Variants in XKR4 observed in about 807,000 individuals in gnomAD.
XKR4 encodes the protein XK related 4.
Under a neutral mutation model 53.9 loss-of-function variants are expected in XKR4, and 12 were observed. The observed-to-expected ratio is 0.22, with a 90% CI of 0.14 to 0.36. The LOEUF (loss-of-function observed/expected upper bound fraction) is 0.36, where lower values mean the gene tolerates loss of function less well. XKR4 is among the 10% of genes least tolerant of loss of function. The probability of loss-of-function intolerance (pLI) is 1.00; values close to 1 mark genes in which losing one functional copy is unlikely to be tolerated. For synonymous variants in XKR4, 354 were observed against 362.4 expected, an observed-to-expected ratio of 0.98 and a Z score of 0.26; for missense variants, 799 against 859.5, an observed-to-expected ratio of 0.93 and a Z score of 0.88.
chr8:55,483,574 A>T (rs535861244), intron 2 of XKR4, among the ~76,000 whole-genome samples: 4 of 152,292 alleles, frequency 2.6e-5, no homozygotes, highest in Admixed American at 2.6e-4. Context: ...GAAACACTTG[A>T]AAACTAAACA....
intron 1 of XKR4, among the ~76,000 whole-genome samples, chr8:55,322,007 AAAC>A (rs1803223638): frequency 6.6e-6 from 1 of 151,852 alleles, no homozygotes; most frequent in Non-Finnish European, 1.5e-5. Flanking sequence ...ACAAACAAAC[AAAC>A]AAAAAATAAC....
At chr8:55,218,938 G>A (rs1318929900) in intron 1 of XKR4, among the ~76,000 whole-genome samples, 1 of 151,682 alleles carries the variant, frequency 6.6e-6, no homozygotes, top group Non-Finnish European at 1.5e-5. Context: ...CACCTCCAAG[G>A]TTCAGATAGA....
At chr8:55,347,783 C>A (rs1414877068) in intron 1 of XKR4, among the ~76,000 whole-genome samples, 1 of 152,122 alleles carries the variant, frequency 6.6e-6, no homozygotes, top group Non-Finnish European at 1.5e-5. Flanking sequence ...GATGGCAAGG[C>A]CTTGAAACTT....
rs1817594259 is a variant in XKR4 at position 55,202,907 on chromosome 8, C to T, written c.806+99613C>T. ...AGTCTGCAGAGCAGCCCTGCTGGCTCGTACACCCTGACCTTTAGGGAGAGC... is the reference window on the plus strand; with the variant it reads ...AGTCTGCAGAGCAGCCCTGCTGGCTTGTACACCCTGACCTTTAGGGAGAGC... On this transcript the variant is annotated intron_variant, in intron 1 of 2. Transcript: ENST00000327381. 2.6e-5 allele frequency among the ~76,000 whole-genome samples: 4 copies of T among 151,690 alleles called. No homozygotes were observed. In the South Asian group the frequency reaches 6.2e-4, roughly 24 times the overall value.
chr8:55,180,554 A>G lies in XKR4; in HGVS notation c.806+77260A>G, dbSNP rs1456244685. Among the ~76,000 whole-genome samples, 3 of 152,014 alleles carry G rather than the reference A, an allele frequency of 2.0e-5. No individual in the cohort carries two copies. The East Asian group carries it at 5.8e-4, about 29-fold the overall frequency. On this transcript the variant is annotated intron_variant, in intron 1 of 2. Coordinates refer to ENST00000327381, the MANE Select transcript of XKR4 (RefSeq NM_052898.2). ...TACGTATTCTTTTTTTTTCTTTGAG[A>G]CGAAGTCTCACTCTGTCACCCAGGC...
intron 1 of XKR4, among the ~76,000 whole-genome samples, chr8:55,226,430 G>A (rs1029671414): frequency 2.6e-4 from 39 of 152,202 alleles, no homozygotes; most frequent in African/African-American, 8.4e-4. Flanking sequence ...CACACTGCCT[G>A]TGACCTATGA....
intron 2 of XKR4, among the ~76,000 whole-genome samples, chr8:55,385,424 G>A (rs1413777279): frequency 6.6e-6 from 1 of 152,138 alleles, no homozygotes; most frequent in Non-Finnish European, 1.5e-5. Flanking sequence ...AGCTGTCTCT[G>A]AGCCTCCGCA....
At chr8:55,276,408 C>T (rs1408147109) in intron 1 of XKR4, among the ~76,000 whole-genome samples, 1 of 152,214 alleles carries the variant, frequency 6.6e-6, no homozygotes, top group African/African-American at 2.4e-5. Flanking sequence ...TCCCTTTGCT[C>T]AAGTAGTCGC....
intron 2 of XKR4, among the ~76,000 whole-genome samples, chr8:55,389,245 G>C (rs190647070): frequency 6.6e-6 from 1 of 152,290 alleles, no homozygotes; most frequent in Admixed American, 6.5e-5. Context: ...AGAACTGTGA[G>C]ACAATAAATT....
At chr8:55,277,458 T>A (rs1818779695) in intron 1 of XKR4, among the ~76,000 whole-genome samples, 1 of 152,340 alleles carries the variant, frequency 6.6e-6, no homozygotes, top group Non-Finnish European at 1.5e-5. Context: ...TCCATAAACA[T>A]AATGAGATAT....
At chr8:55,496,004 C>A (rs57627637) in intron 2 of XKR4, among the ~76,000 whole-genome samples, 8,323 of 152,278 alleles carry the variant, frequency 0.055, 626 homozygotes, top group East Asian at 0.28. Flanking sequence ...TAACTTGAGA[C>A]TATGAAGTCA....
At chr8:55,122,886 C>A (rs897106286) in intron 1 of XKR4, among the ~76,000 whole-genome samples, 1 of 151,902 alleles carries the variant, frequency 6.6e-6, no homozygotes, top group South Asian at 2.1e-4. Flanking sequence ...GGTCTTCCAG[C>A]GAATGAGAGG....
At chr8:55,491,082 C>G (rs2129402176) in intron 2 of XKR4, among the ~76,000 whole-genome samples, 2 of 152,276 alleles carry the variant, frequency 1.3e-5, no homozygotes, top group South Asian at 4.1e-4. Flanking sequence ...TTCAAGCTCA[C>G]TGACTTTATC....
intron 1 of XKR4, among the ~76,000 whole-genome samples, chr8:55,118,673 C>G (rs898674214): frequency 1.3e-5 from 2 of 152,228 alleles, no homozygotes; most frequent in African/African-American, 4.8e-5. Context: ...TGTTCCCGTT[C>G]AAAAGATGCT....
Position 55,102,512 on chromosome 8 carries a change from G to A in XKR4, c.24G>A (p.Arg8=). 1.3e-6 allele frequency: 2 copies of A among 1,548,488 alleles called. No individual in the cohort carries two copies. The highest frequency in any genetic ancestry group is 1.4e-5 in the African/African-American group (1 of 70,202). Residue 8 remains arginine, a synonymous_variant, in exon 1 of 3, where the codon AGG becomes AGA. Transcript: ENST00000327381. The surrounding 1 kb of genome is among the most constrained non-coding windows in gnomAD (Gnocchi z 5.1). ...TCATGGCCGCTAAATCAGACGGGAG[G>A]CTGAAAATGAAGAAAAGCAGCGACG... MAAKSDG[R]LKMKKSSDVA...
At chr8:55,465,171 A>G (rs1038968168) in intron 2 of XKR4, among the ~76,000 whole-genome samples, 86 of 152,166 alleles carry the variant, frequency 5.7e-4, no homozygotes, top group Non-Finnish European at 9.4e-4. Context: ...AGAAGCCTGC[A>G]TTGCCAAGTC....
intron 2 of XKR4, among the ~76,000 whole-genome samples, chr8:55,379,734 GC>G (rs1333620097): frequency 6.6e-6 from 1 of 152,174 alleles, no homozygotes; most frequent in African/African-American, 2.4e-5. Context: ...ACTTTGTTTG[GC>G]CCCAACCAGC....
At chr8:55,466,059 C>G (rs895795781) in intron 2 of XKR4, among the ~76,000 whole-genome samples, 1 of 152,024 alleles carries the variant, frequency 6.6e-6, no homozygotes, top group African/African-American at 2.4e-5. Flanking sequence ...CTAGTTCAAC[C>G]ATTGTGGAAG....
intron 2 of XKR4, among the ~76,000 whole-genome samples, chr8:55,416,639 AG>A (rs748290388): frequency 1.3e-5 from 2 of 152,160 alleles, no homozygotes; most frequent in East Asian, 1.9e-4. Flanking sequence ...GATCACAAGC[AG>A]GGGGGTGAAA....
Sources: gnomAD v4.1 joint callset for allele counts (sites outside exome capture counted in the v4.1 genomes callset) on GRCh38, gnomAD v4.1.1 for gene constraint, Gnocchi (gnomAD v3.1) non-coding constraint, MANE v1.5 for transcripts, NCBI Gene and HGNC (gene_info 2026-07-23, HGNC 2026-07-21) for gene names.